Variants in TTC28 observed in about 807,000 individuals in gnomAD.
TTC28 encodes tetratricopeptide repeat protein 28.
In TTC28, 61 loss-of-function variants were observed where a neutral mutation model predicts 198.0. The ratio of observed to expected loss-of-function variants is 0.31; its 90% CI spans 0.25 to 0.38. The LOEUF is 0.38. Ranked by LOEUF, TTC28 falls within the 10% of genes least tolerant of loss-of-function variation. The pLI is 1.00. For synonymous variants in TTC28, 1,171 were observed against 1,297.8 expected, an observed-to-expected ratio of 0.90 and a Z score of 2.10; for missense variants, 2,678 against 3,164.0, an observed-to-expected ratio of 0.85 and a Z score of 3.69.
In TTC28 at chr22:28,660,918, T is replaced by C. The variant is rs116717969; in HGVS notation, c.102+18704A>G. On this transcript the variant is annotated intron_variant, in intron 1 of 22. Transcript: ENST00000397906. ...TGATCTGAGAAAAGGAAAAAAAAAA[T>C]TTTAAATATATAATTCCCTTTATTT... Among the ~76,000 whole-genome samples, 1,481 of 151,554 alleles carry C rather than the reference T, an allele frequency of 9.8e-3. 27 individuals are homozygous for C. The highest frequency in any genetic ancestry group is 0.033 in the African/African-American group (1,381 of 41,290).
Position 28,163,122 on chromosome 22 carries a change from C to T in TTC28, c.1411G>A (p.Ala471Thr), listed in dbSNP as rs886147419. ...TTGGAGGATGCTCGCCCCTCTGCAG[C>T]CCGGTCCTTGAGATCCTCAGCAATG... ...LGIAEDLKDR[A>T]AEGRASSNLG... Residue 471 changes from alanine to threonine, a missense_variant, in exon 6 of 23, where the codon GCT becomes ACT. Coordinates refer to ENST00000397906, the MANE Select transcript of TTC28 (RefSeq NM_001145418.2). The T allele has an allele frequency of 3.2e-6, 5 of 1,551,326 alleles. No homozygotes were observed. The highest frequency in any genetic ancestry group is 3.5e-6 in the Non-Finnish European group (4 of 1,146,890).
At position 27,998,771 on chromosome 22, in the gene TTC28, T is replaced by G. The variant is rs1476628455; in HGVS notation, c.4888A>C (p.Asn1630His). 2 of 1,550,690 alleles carry G rather than the reference T, an allele frequency of 1.3e-6. No individual in the cohort carries two copies. Among genetic ancestry groups the G allele is most frequent in the Non-Finnish European group, 1.7e-6 (2 of 1,146,992 alleles). Reference sequence around the variant, plus strand: ...ACCCCGTCGGCTGTGACTTTGCTGTTGGACTCCTGGGAGGAGCCAAGCACC... The same window carrying G: ...ACCCCGTCGGCTGTGACTTTGCTGTGGGACTCCTGGGAGGAGCCAAGCACC... ...LVVLGSSQES[N>H]SKVTADGVIA... Residue 1630 changes from asparagine (N) to histidine (H), a missense_variant, in exon 16 of 23, where the codon AAC becomes CAC. By Grantham distance (68) the Asn-to-His change is moderately conservative. Coordinates refer to ENST00000397906, the MANE Select transcript of TTC28 (RefSeq NM_001145418.2).
chr22:28,473,466 A>G (rs1378341951), intron 2 of TTC28, among the ~76,000 whole-genome samples: 4 of 152,192 alleles, frequency 2.6e-5, no homozygotes, highest in African/African-American at 9.7e-5. Context: ...TGCCATGGCA[A>G]TAACTGGAAG....
chr22:28,007,837 T>C (rs985933944), intron 14 of TTC28: 7 of 152,232 alleles, frequency 4.6e-5, no homozygotes, highest in Admixed American at 2.6e-4. Flanking sequence ...TCCTGGGTGC[T>C]GCCACCACTG....
chr22:28,596,086 T>C (rs575668854), intron 2 of TTC28, among the ~76,000 whole-genome samples: 16 of 152,042 alleles, frequency 1.1e-4, no homozygotes, highest in South Asian at 2.1e-4. Flanking sequence ...TAAGAGGAAA[T>C]TGAAATAGAA....
chr22:28,167,356 C>G (rs374541624), intron 5 of TTC28, among the ~76,000 whole-genome samples: 1 of 152,178 alleles, frequency 6.6e-6, no homozygotes, highest in Non-Finnish European at 1.5e-5. Flanking sequence ...CAAAGCCTGG[C>G]AGAGATACAA....
In TTC28 at chr22:28,599,188, T is replaced by G. The variant is rs185301564; in HGVS notation, c.381+30364A>C. On this transcript the variant is annotated intron_variant, in intron 2 of 22. Transcript: ENST00000397906. ...ACTAGTAAGGATTAAAGAAAAAGAATAGCCATAAATGGCAAGTTCTTTATC... is the reference window on the plus strand; with the variant it reads ...ACTAGTAAGGATTAAAGAAAAAGAAGAGCCATAAATGGCAAGTTCTTTATC... 6.0e-3 allele frequency among the ~76,000 whole-genome samples: 910 copies of G among 152,340 alleles called. 6 individuals carry two copies. Among genetic ancestry groups the G allele is most frequent in the Non-Finnish European group, 9.9e-3 (672 of 68,022 alleles).
At chr22:28,224,569 C>A (rs1928141395) in intron 5 of TTC28, among the ~76,000 whole-genome samples, 1 of 152,106 alleles carries the variant, frequency 6.6e-6, no homozygotes, top group Non-Finnish European at 1.5e-5. Context: ...AGCTGGCAAT[C>A]AATTCTGGGA....
At chr22:28,663,648 G>C (rs1410992655) in intron 1 of TTC28, among the ~76,000 whole-genome samples, 1 of 133,956 alleles carries the variant, frequency 7.5e-6, no homozygotes, top group African/African-American at 2.9e-5. Context: ...AGGGTCCTAC[G>C]CCCACGGAAT....
intron 5 of TTC28, among the ~76,000 whole-genome samples, chr22:28,173,904 G>T (rs1416618810): frequency 6.6e-6 from 1 of 152,090 alleles, no homozygotes; most frequent in Non-Finnish European, 1.5e-5. Context: ...CATGCTTACA[G>T]TGTTATACAC....
intron 5 of TTC28, among the ~76,000 whole-genome samples, chr22:28,202,537 C>CAAA (rs998861083): frequency 4.5e-5 from 5 of 110,754 alleles, no homozygotes; most frequent in Non-Finnish European, 9.7e-5. Context: ...GACTCTGTCT[C>CAAA]AAAAAAAAAA....
intron 1 of TTC28, among the ~76,000 whole-genome samples, chr22:28,648,607 G>A (rs897868365): frequency 2.6e-5 from 4 of 152,158 alleles, no homozygotes; most frequent in Non-Finnish European, 4.4e-5. Flanking sequence ...GCCCACTGAT[G>A]AGGGAAAAAA....
At chr22:28,425,068 CT>C (rs2047326673) in intron 2 of TTC28, among the ~76,000 whole-genome samples, 1 of 152,204 alleles carries the variant, frequency 6.6e-6, no homozygotes, top group African/African-American at 2.4e-5. Context: ...TTTGTTTCTA[CT>C]ACAAATTTAC....
Position 28,313,611 on chromosome 22 carries a change from C to T in TTC28, c.382-6968G>A, listed in dbSNP as rs141961959. On this transcript the variant is annotated intron_variant, in intron 2 of 22. Transcript: ENST00000397906. ...ACATAAACAGAACCAATGACAAAAA[C>T]CACATGATTATCTCAATAGAGGCAC... 1.4e-3 allele frequency among the ~76,000 whole-genome samples: 216 copies of T among 152,292 alleles called. 1 individual carries two copies. Among genetic ancestry groups the T allele is most frequent in the African/African-American group, 4.8e-3 (201 of 41,562 alleles).
chr22:28,614,877 G>C (rs1473195457), intron 2 of TTC28, among the ~76,000 whole-genome samples: 1 of 152,110 alleles, frequency 6.6e-6, no homozygotes, highest in Non-Finnish European at 1.5e-5. Context: ...TTAAGACATA[G>C]GCTTCGGCAA....
intron 2 of TTC28, among the ~76,000 whole-genome samples, chr22:28,466,820 TACACAC>T (rs58512456): frequency 1.5e-4 from 21 of 143,916 alleles, no homozygotes; most frequent in South Asian, 9.1e-4. Context: ...TATACATACA[TACACAC>T]ACACACACAC....
intron 6 of TTC28, among the ~76,000 whole-genome samples, chr22:28,157,448 C>A (rs970859971): frequency 3.3e-5 from 5 of 152,134 alleles, no homozygotes; most frequent in Admixed American, 2.6e-4. Context: ...TTCTATGAGG[C>A]CAGTATTACC....
At chr22:28,041,898 C>A (rs914926691) in intron 12 of TTC28, among the ~76,000 whole-genome samples, 14 of 151,474 alleles carry the variant, frequency 9.2e-5, no homozygotes, top group Middle Eastern at 3.5e-3. Context: ...AAAAAAAAAA[C>A]CCCATCGAAA....
At chr22:28,431,347 C>T (rs1343652851) in intron 2 of TTC28, among the ~76,000 whole-genome samples, 1 of 152,154 alleles carries the variant, frequency 6.6e-6, no homozygotes, top group Non-Finnish European at 1.5e-5. Flanking sequence ...AAAATAGCTA[C>T]ACAGTCTATT....
Sources: gnomAD v4.1 joint callset for allele counts (sites outside exome capture counted in the v4.1 genomes callset) on GRCh38, gnomAD v4.1.1 for gene constraint, MANE v1.5 for transcripts, NCBI Gene and HGNC (gene_info 2026-07-23, HGNC 2026-07-21) for gene names.